Variants in KALRN observed in about 807,000 individuals in gnomAD.
KALRN encodes the protein kalirin RhoGEF kinase, also known as kalirin.
Under a neutral mutation model 353.7 loss-of-function variants are expected in KALRN, and 70 were observed. The ratio of observed to expected loss-of-function variants is 0.20; its 90% confidence interval spans 0.16 to 0.24. The LOEUF (loss-of-function observed/expected upper bound fraction) is 0.24, where lower values mean the gene tolerates loss of function less well. Ranked by LOEUF, KALRN falls within the 10% of genes least tolerant of loss-of-function variation. KALRN has a pLI of 1.00. For synonymous variants in KALRN, 1,391 were observed against 1,434.8 expected (o/e 0.97, Z 0.69); for missense variants, 2,791 against 3,756.7 (o/e 0.74, Z 6.72).
At chr3:124,689,801 A>C (rs1298432885) in intron 51 of KALRN, among the ~76,000 whole-genome samples, 1 of 152,216 alleles carries the variant, frequency 6.6e-6, no homozygotes, top group Non-Finnish European at 1.5e-5. Context: ...ATAGCAAAAA[A>C]AATTTATGAC....
intron 33 of KALRN, among the ~76,000 whole-genome samples, chr3:124,532,114 A>T (rs2068093793): frequency 6.6e-6 from 1 of 152,158 alleles, no homozygotes; most frequent in Non-Finnish European, 1.5e-5. Flanking sequence ...CTGGCATAAG[A>T]TTCTCTACAC....
chr3:124,518,248 G>A, intron 33 of KALRN: 1 of 701,372 alleles, frequency 1.4e-6, no homozygotes, highest in Non-Finnish European at 2.6e-6. Context: ...AAATGATTGT[G>A]TATTTTTCAG....
In KALRN at chr3:124,384,900, CG is replaced by C; in HGVS notation, c.1831del (p.Glu611AsnfsTer71). On this transcript the variant is annotated frameshift_variant, in exon 11 of 60. Coordinates refer to ENST00000682506, the MANE Select transcript of KALRN (RefSeq NM_001388419.1). LOFTEE classifies it high-confidence loss of function. ...LLEAAEQLAQ[T>X]GECDPEEIYK... Reference sequence around the variant, plus strand: ...GAAGCAGCAGAGCAGTTGGCTCAGACGGGGGAATGTGACCCCGAGGAGATCT... The same window carrying C: ...GAAGCAGCAGAGCAGTTGGCTCAGACGGGGAATGTGACCCCGAGGAGATCT... 1 of 1,612,818 alleles carries C rather than the reference CG, an allele frequency of 6.2e-7. No individual in the cohort carries two copies. The highest frequency in any genetic ancestry group is 8.5e-7 in the Non-Finnish European group (1 of 1,179,390).
chr3:124,185,504 G>T (rs2074109539), intron 1 of KALRN, among the ~76,000 whole-genome samples: 1 of 152,210 alleles, frequency 6.6e-6, no homozygotes, highest in Non-Finnish European at 1.5e-5. Flanking sequence ...AGCTGTGATT[G>T]TGGGGCTTCT....
intron 1 of KALRN, among the ~76,000 whole-genome samples, chr3:124,179,159 T>A (rs2073204991): frequency 6.6e-6 from 1 of 152,204 alleles, no homozygotes; most frequent in Non-Finnish European, 1.5e-5. Context: ...TTATTGTAAT[T>A]CTTTTTACTT....
intron 10 of KALRN, among the ~76,000 whole-genome samples, chr3:124,368,711 G>A (rs1306340186): frequency 2.0e-5 from 3 of 148,406 alleles, no homozygotes; most frequent in Non-Finnish European, 4.5e-5. Flanking sequence ...CAAGGCAGGC[G>A]GCTGGGAGGT....
intron 10 of KALRN, among the ~76,000 whole-genome samples, chr3:124,371,686 T>C (rs577783240): frequency 1.2e-3 from 188 of 152,164 alleles, no homozygotes; most frequent in Non-Finnish European, 2.2e-3. Context: ...TATTGGTGTA[T>C]ATATTTATGA....
At chr3:124,160,089 G>A (rs1343370060) in intron 1 of KALRN, among the ~76,000 whole-genome samples, 1 of 151,524 alleles carries the variant, frequency 6.6e-6, no homozygotes. Context: ...ATCTTAGAAT[G>A]TGACCTTACT....
intron 9 of KALRN, among the ~76,000 whole-genome samples, chr3:124,340,505 A>G (rs1180999120): frequency 1.3e-5 from 2 of 152,138 alleles, no homozygotes; most frequent in Non-Finnish European, 2.9e-5. Context: ...CCTGGGTGAC[A>G]GAGTGAGACT....
In KALRN at chr3:124,297,413, C is replaced by T. The variant is rs757036266; in HGVS notation, c.970-1378C>T. On this transcript the variant is annotated intron_variant, in intron 5 of 59. Coordinates refer to ENST00000682506, the MANE Select transcript of KALRN (RefSeq NM_001388419.1). Reference sequence around the variant, plus strand: ...TCTTTCACACCTTTCTTGGCTTTTGCTGACTTAGCCATTGTTTTTTGGTCC... The same window carrying T: ...TCTTTCACACCTTTCTTGGCTTTTGTTGACTTAGCCATTGTTTTTTGGTCC... 3.9e-4 allele frequency among the ~76,000 whole-genome samples: 59 copies of T among 152,214 alleles called. 1 individual carries two copies. The highest frequency in any genetic ancestry group is 1.5e-4 in the Non-Finnish European group (10 of 68,040).
intron 34 of KALRN, among the ~76,000 whole-genome samples, chr3:124,587,178 G>T (rs926468783): frequency 7.2e-5 from 11 of 152,120 alleles, no homozygotes; most frequent in African/African-American, 2.4e-4. Context: ...CAGTTCCTCT[G>T]GTCTTAGGGA....
At chr3:124,566,537 C>T (rs987966957) in intron 34 of KALRN, among the ~76,000 whole-genome samples, 4 of 151,280 alleles carry the variant, frequency 2.6e-5, no homozygotes, top group Non-Finnish European at 5.9e-5. Context: ...AGTCTGCATT[C>T]TCCATGGAGC....
At chr3:124,415,768 A>G (rs1030539200) in intron 14 of KALRN, among the ~76,000 whole-genome samples, 2 of 152,144 alleles carry the variant, frequency 1.3e-5, no homozygotes, top group African/African-American at 2.4e-5. Flanking sequence ...CTGACCCAAC[A>G]TGTTGCTACT....
intron 1 of KALRN, among the ~76,000 whole-genome samples, chr3:124,157,174 G>A (rs2069122983): frequency 6.6e-6 from 1 of 152,190 alleles, no homozygotes; most frequent in South Asian, 2.1e-4. Flanking sequence ...CAGGAAGTCA[G>A]AGCTGGAAGA....
At chr3:124,286,624 C>T (rs902081641) in intron 5 of KALRN, among the ~76,000 whole-genome samples, 1 of 152,152 alleles carries the variant, frequency 6.6e-6, no homozygotes, top group Non-Finnish European at 1.5e-5. Flanking sequence ...TCTGCCATTA[C>T]ACTCATCCAG....
chr3:124,422,906 C>G lies in KALRN; in HGVS notation c.2637C>G (p.Leu879=). The change falls in exon 15 of 60, where the codon CTC becomes CTG. Residue 879 remains leucine (L), a synonymous_variant. Coordinates refer to ENST00000682506, the MANE Select transcript of KALRN (RefSeq NM_001388419.1). ...FLHEKQHELE[L]NAEQTHKRLE... ...ATGAGAAGCAGCATGAATTGGAGCTCAATGCAGAGCAGACTCATAAGCGGC... is the reference window on the plus strand; with the variant it reads ...ATGAGAAGCAGCATGAATTGGAGCTGAATGCAGAGCAGACTCATAAGCGGC... 1 of 1,613,830 alleles carries G rather than the reference C, an allele frequency of 6.2e-7. No individual in the cohort carries two copies. Among genetic ancestry groups the G allele is most frequent in the Non-Finnish European group, 8.5e-7 (1 of 1,179,812 alleles).
rs561677132 is a variant in KALRN, at chr3:124,706,995, A to G, written c.8075+4879A>G. 2.0e-5 allele frequency among the ~76,000 whole-genome samples: 3 copies of G among 152,316 alleles called. No individual in the cohort carries two copies. The South Asian group carries it at 6.2e-4, about 32-fold the overall frequency. Reference sequence around the variant, plus strand: ...AACCAGAATCCCTGGACAAGATACAAAAAGCAATACCTGGGTATCAAATTA... The same window carrying G: ...AACCAGAATCCCTGGACAAGATACAGAAAGCAATACCTGGGTATCAAATTA... On this transcript the variant is annotated intron_variant, in intron 57 of 59. Coordinates refer to ENST00000682506, the MANE Select transcript of KALRN (RefSeq NM_001388419.1).
At chr3:124,466,176 A>G (rs1234291418) in intron 25 of KALRN, among the ~76,000 whole-genome samples, 1 of 152,062 alleles carries the variant, frequency 6.6e-6, no homozygotes, top group Non-Finnish European at 1.5e-5. Context: ...TAATATGTAG[A>G]ATTTAATACC....
chr3:124,042,719 AG>A (rs1405529418), intron 1 of KALRN, among the ~76,000 whole-genome samples: 1 of 152,006 alleles, frequency 6.6e-6, no homozygotes, highest in Non-Finnish European at 1.5e-5. Flanking sequence ...GCAGGGGAAG[AG>A]GGGGGATTTG....
Sources: gnomAD v4.1 joint callset for allele counts (sites outside exome capture counted in the v4.1 genomes callset) on GRCh38, gnomAD v4.1.1 for gene constraint, MANE v1.5 for transcripts, NCBI Gene and HGNC (gene_info 2026-07-23, HGNC 2026-07-21) for gene names.